The following PXDNL variants were observed in gnomAD, a reference collection of about 807,000 sequenced individuals.
The protein encoded by PXDNL is probable oxidoreductase PXDNL.
A neutral mutation model predicts 150.8 loss-of-function variants in PXDNL; 145 were observed. That is an observed-to-expected ratio of 0.96 (90% CI 0.84 to 1.10). The LOEUF (loss-of-function observed/expected upper bound fraction) is 1.10, where lower values mean the gene tolerates loss of function less well. Ranked by LOEUF, PXDNL falls within the 50% of genes least tolerant of loss-of-function variation. The probability of loss-of-function intolerance (pLI) is 0.00; values close to 1 mark genes in which losing one functional copy is unlikely to be tolerated. For missense variants in PXDNL, 2,087 were observed against 1,873.9 expected (o/e 1.11, Z -2.10); for synonymous variants, 757 against 725.7 (o/e 1.04, Z -0.69).
intron 2 of PXDNL, among the ~76,000 whole-genome samples, chr8:51,621,336 T>C (rs1439165241): frequency 1.3e-5 from 2 of 152,166 alleles, no homozygotes; most frequent in Non-Finnish European, 2.9e-5. Flanking sequence ...TCTAAAACTA[T>C]AGAGCACTTA....
chr8:51,695,534 C>G (rs1409676534), intron 1 of PXDNL, among the ~76,000 whole-genome samples: 1 of 152,038 alleles, frequency 6.6e-6, no homozygotes, highest in Non-Finnish European at 1.5e-5. Context: ...ATGTTTTGGT[C>G]TTGGTGTCAT....
At chr8:51,626,707 T>G (rs1014831752) in intron 2 of PXDNL, among the ~76,000 whole-genome samples, 3 of 152,202 alleles carry the variant, frequency 2.0e-5, no homozygotes, top group Non-Finnish European at 4.4e-5. Context: ...AGCTCGTCAA[T>G]GTGAACCAAA....
chr8:51,526,480 C>T (rs993405373), intron 4 of PXDNL, among the ~76,000 whole-genome samples: 7 of 151,878 alleles, frequency 4.6e-5, no homozygotes, highest in Non-Finnish European at 5.9e-5. Context: ...CATCTAGAAG[C>T]GATGTGAGAA....
intron 18 of PXDNL, among the ~76,000 whole-genome samples, chr8:51,372,466 C>G (rs1035724214): frequency 6.6e-6 from 1 of 152,176 alleles, no homozygotes; most frequent in African/African-American, 2.4e-5. Context: ...CTCACTGCAA[C>G]CTCTACCTCC....
At chr8:51,528,379 G>GTTTAAATA (rs1488281436) in intron 4 of PXDNL, among the ~76,000 whole-genome samples, 3 of 152,108 alleles carry the variant, frequency 2.0e-5, no homozygotes, top group African/African-American at 7.2e-5. Flanking sequence ...ATGTTTAAAT[G>GTTTAAATA]TTTAAAATGT....
rs1808485263 is a variant in PXDNL at position 51,408,083 on chromosome 8, TA to T, written c.3540del (p.Arg1181AspfsTer4). On this transcript the variant is annotated frameshift_variant, in exon 17 of 23. Coordinates refer to ENST00000356297, the MANE Select transcript of PXDNL (RefSeq NM_144651.5). LOFTEE classifies it high-confidence loss of function. ...CATACTTACTTTCTCAGTTTTTGTCTAATCTCTGAATCTTTAATTTCATTTT... is the reference window on the plus strand; with the variant it reads ...CATACTTACTTTCTCAGTTTTTGTCTATCTCTGAATCTTTAATTTCATTTT... Reference protein sequence around the residue: ...DLQNEIKDSEIRQKLRKLYGS... With the variant: ...DLQNEIKDSEXRQKLRKLYGS... 1 of 1,605,018 alleles carries T rather than the reference TA, an allele frequency of 6.2e-7. No homozygotes were observed. The highest frequency in any genetic ancestry group is 2.2e-5 in the East Asian group (1 of 44,852).
intron 12 of PXDNL, among the ~76,000 whole-genome samples, chr8:51,427,987 A>G (rs1325064244): frequency 6.6e-6 from 1 of 152,218 alleles, no homozygotes; most frequent in African/African-American, 2.4e-5. Flanking sequence ...CCCAATATAT[A>G]TCAAAAATAC....
At chr8:51,684,759 A>AT (rs1052973053) in intron 1 of PXDNL, among the ~76,000 whole-genome samples, 1 of 152,196 alleles carries the variant, frequency 6.6e-6, no homozygotes, top group African/African-American at 2.4e-5. Context: ...GCAAATGGAC[A>AT]TTTTGTGGAG....
At chr8:51,466,399 A>G (rs1197751780) in intron 8 of PXDNL, among the ~76,000 whole-genome samples, 1 of 152,196 alleles carries the variant, frequency 6.6e-6, no homozygotes, top group African/African-American at 2.4e-5. Flanking sequence ...AAATCAACTC[A>G]GGATGGATTA....
chr8:51,454,199 T>C (rs1809876940), intron 9 of PXDNL, among the ~76,000 whole-genome samples: 1 of 152,212 alleles, frequency 6.6e-6, no homozygotes, highest in African/African-American at 2.4e-5. Flanking sequence ...GTTTGCTACC[T>C]GGAATTCGGG....
intron 9 of PXDNL, among the ~76,000 whole-genome samples, chr8:51,454,661 A>T (rs951528451): frequency 5.3e-5 from 8 of 152,224 alleles, no homozygotes; most frequent in Non-Finnish European, 5.9e-5. Context: ...GGGATCAACC[A>T]TTCCTGAGAT....
At chr8:51,625,761 G>T (rs930694796) in intron 2 of PXDNL, among the ~76,000 whole-genome samples, 1 of 152,202 alleles carries the variant, frequency 6.6e-6, no homozygotes, top group Non-Finnish European at 1.5e-5. Context: ...GCATTGAAAT[G>T]ATGATTTCCT....
chr8:51,582,366 T>C (rs1347522311), intron 3 of PXDNL, among the ~76,000 whole-genome samples: 1 of 152,140 alleles, frequency 6.6e-6, no homozygotes, highest in Non-Finnish European at 1.5e-5. Context: ...GTCTATGGTA[T>C]TTTGTTATGG....
intron 13 of PXDNL, 132 bp from the exon 14 acceptor site, chr8:51,423,863 G>A: frequency 5.8e-6 from 4 of 694,740 alleles, no homozygotes; most frequent in Middle Eastern, 3.9e-4. Flanking sequence ...AGTACTGGAG[G>A]AGATACATGA....
intron 4 of PXDNL, among the ~76,000 whole-genome samples, chr8:51,521,304 A>G (rs1325881336): frequency 6.8e-6 from 1 of 146,492 alleles, no homozygotes; most frequent in Non-Finnish European, 1.5e-5. Context: ...GACTAGATAG[A>G]TAATCTCAGA....
chr8:51,492,854 G>C (rs1810930001), intron 5 of PXDNL, among the ~76,000 whole-genome samples: 1 of 152,306 alleles, frequency 6.6e-6, no homozygotes, highest in African/African-American at 2.4e-5. Flanking sequence ...CCACCTCTGG[G>C]GGCAGGGCAT....
intron 17 of PXDNL, among the ~76,000 whole-genome samples, chr8:51,382,679 T>C (rs914909189): frequency 6.6e-6 from 1 of 152,138 alleles, no homozygotes; most frequent in Non-Finnish European, 1.5e-5. Context: ...CACCCCTGCA[T>C]TACTTCTTTA....
chr8:51,798,756 T>C lies in PXDNL; in HGVS notation c.164+10425A>G, dbSNP rs562597929. Among the ~76,000 whole-genome samples the C allele has an allele frequency of 2.1e-3, 326 of 152,286 alleles. 2 individuals carry two copies. Among genetic ancestry groups the C allele is most frequent in the African/African-American group, 7.4e-3 (308 of 41,552 alleles). On this transcript the variant is annotated intron_variant, in intron 1 of 22. Coordinates refer to ENST00000356297, the MANE Select transcript of PXDNL (RefSeq NM_144651.5). ...GTGGGAATGTAAATTAGTTCAACCATTGTGGAAGACAGTGTGGTGATTCCT... is the reference window on the plus strand; with the variant it reads ...GTGGGAATGTAAATTAGTTCAACCACTGTGGAAGACAGTGTGGTGATTCCT...
intron 1 of PXDNL, among the ~76,000 whole-genome samples, chr8:51,808,600 T>G (rs569398963): frequency 5.8e-4 from 88 of 152,274 alleles, no homozygotes; most frequent in African/African-American, 2.0e-3. Flanking sequence ...TAGATGCCGA[T>G]TAGTCTAAGC....
Sources: gnomAD v4.1 joint callset for allele counts (sites outside exome capture counted in the v4.1 genomes callset) on GRCh38, gnomAD v4.1.1 for gene constraint, MANE v1.5 for transcripts, NCBI Gene and HGNC (gene_info 2026-07-23, HGNC 2026-07-21) for gene names.